Variants in ASCC3 observed in about 807,000 individuals in gnomAD.
ASCC3 encodes the protein ASC-1 complex subunit P200.
ASCC3 carries 158 observed loss-of-function variants against 256.3 expected under a neutral mutation model. That is an observed-to-expected ratio of 0.62 (90% CI 0.54 to 0.70). ASCC3 has a LOEUF of 0.70. ASCC3 is among the 30% of genes least tolerant of loss of function. The pLI, the probability that ASCC3 is intolerant of heterozygous loss-of-function variation, is 0.00. For missense variants in ASCC3, 2,259 were observed against 2,626.0 expected (o/e 0.86, Z 3.05); for synonymous variants, 948 against 883.4 (o/e 1.07, Z -1.30).
intron 8 of ASCC3, among the ~76,000 whole-genome samples, chr6:100,786,861 T>C (rs1264364273): frequency 6.6e-6 from 1 of 152,182 alleles, no homozygotes. Flanking sequence ...CTAACAGGGA[T>C]GAAATTGAGT....
intron 10 of ASCC3, among the ~76,000 whole-genome samples, chr6:100,753,310 C>A (rs3860238): frequency 0.96 from 143,631 of 149,358 alleles, 69,138 homozygotes; most frequent in East Asian, 1. Flanking sequence ...AATAGCAAAA[C>A]AAAACAAAAC....
At chr6:100,873,037 G>A (rs1163849711) in intron 1 of ASCC3, among the ~76,000 whole-genome samples, 1 of 151,484 alleles carries the variant, frequency 6.6e-6, no homozygotes, top group Non-Finnish European at 1.5e-5. Flanking sequence ...AAACCAAGAA[G>A]AAATCCCTGA....
intron 4 of ASCC3, among the ~76,000 whole-genome samples, chr6:100,837,385 G>A (rs9498405): frequency 0.037 from 5,571 of 152,028 alleles, 191 homozygotes; most frequent in African/African-American, 0.086. Flanking sequence ...CCACTACTGG[G>A]TATATATCCA....
intron 10 of ASCC3, among the ~76,000 whole-genome samples, chr6:100,740,035 C>A (rs563444201): frequency 6.6e-6 from 1 of 151,900 alleles, no homozygotes; most frequent in African/African-American, 2.4e-5. Flanking sequence ...GGCTGTTAAT[C>A]GGAGGTATTT....
chr6:100,643,507 C>T (rs1158176371), intron 23 of ASCC3, among the ~76,000 whole-genome samples: 2 of 152,078 alleles, frequency 1.3e-5, no homozygotes, highest in Non-Finnish European at 2.9e-5. Context: ...AGGAATGGTT[C>T]TGAAAAATGT....
At position 100,509,107 on chromosome 6, in the gene ASCC3, C is replaced by T. The variant is rs1773631839; in HGVS notation, c.*279G>A. On this transcript the variant is annotated 3_prime_UTR_variant, in exon 42 of 42. Coordinates refer to ENST00000369162, the MANE Select transcript of ASCC3 (RefSeq NM_006828.4). Reference sequence around the variant, plus strand: ...TTGATTGATAGCTCCTAAATATCATCCCAAATATACACAAATTAAAAGATT... The same window carrying T: ...TTGATTGATAGCTCCTAAATATCATTCCAAATATACACAAATTAAAAGATT... 1 of 412,030 alleles carries T rather than the reference C, an allele frequency of 2.4e-6. No individual in the cohort carries two copies. The highest frequency in any genetic ancestry group is 5.4e-5 in the East Asian group (1 of 18,520). 25.5% of individuals were successfully genotyped at this position (412,030 alleles called of 1,614,324 possible). A position where few individuals can be genotyped will look rare whatever the true frequency, so the allele number is the denominator to read the frequency against.
At chr6:100,756,876 A>G (rs1226558306) in intron 10 of ASCC3, among the ~76,000 whole-genome samples, 1 of 152,138 alleles carries the variant, frequency 6.6e-6, no homozygotes, top group Non-Finnish European at 1.5e-5. Flanking sequence ...ATAGTGACAA[A>G]TAATACAAGA....
intron 10 of ASCC3, among the ~76,000 whole-genome samples, chr6:100,762,424 T>A (rs1446379542): frequency 6.6e-6 from 1 of 152,188 alleles, no homozygotes; most frequent in African/African-American, 2.4e-5. Context: ...TGTAAAATAG[T>A]AACTCTTCAT....
intron 4 of ASCC3, among the ~76,000 whole-genome samples, chr6:100,809,991 A>G (rs1447476549): frequency 6.6e-6 from 1 of 152,098 alleles, no homozygotes. Flanking sequence ...TAACACGCAA[A>G]TCTGTTCACA....
intron 10 of ASCC3, among the ~76,000 whole-genome samples, chr6:100,750,382 C>A (rs1007130101): frequency 3.3e-5 from 5 of 151,918 alleles, no homozygotes; most frequent in African/African-American, 1.2e-4. Context: ...GAGAAGAAAT[C>A]TGATGTGTCT....
At chr6:100,640,457 T>A (rs1775068418) in intron 24 of ASCC3, among the ~76,000 whole-genome samples, 1 of 152,132 alleles carries the variant, frequency 6.6e-6, no homozygotes, top group South Asian at 2.1e-4. Flanking sequence ...AGAACTCAGC[T>A]AATTATATAA....
At chr6:100,585,742 G>A (rs1244487690) in intron 36 of ASCC3, among the ~76,000 whole-genome samples, 5 of 152,142 alleles carry the variant, frequency 3.3e-5, no homozygotes, top group African/African-American at 9.7e-5. Context: ...TGATGGTGAT[G>A]TACAGATAGG....
chr6:100,742,319 T>A (rs988281795), intron 10 of ASCC3, among the ~76,000 whole-genome samples: 2 of 152,008 alleles, frequency 1.3e-5, no homozygotes, highest in African/African-American at 4.8e-5. Flanking sequence ...AAGACCTCTG[T>A]TGGGAGGTCT....
chr6:100,600,205 G>GCGCA (rs58167440), intron 34 of ASCC3, among the ~76,000 whole-genome samples: 8 of 145,770 alleles, frequency 5.5e-5, no homozygotes, highest in African/African-American at 2.0e-4. Flanking sequence ...ACATGCACAT[G>GCGCA]CACACACACA....
chr6:100,754,684 T>A (rs1285801747), intron 10 of ASCC3, among the ~76,000 whole-genome samples: 2 of 152,128 alleles, frequency 1.3e-5, no homozygotes. Context: ...GAGTTTTAGA[T>A]CAGTTGTTTT....
chr6:100,852,108 G>A (rs750202206), intron 3 of ASCC3, among the ~76,000 whole-genome samples: 2 of 152,216 alleles, frequency 1.3e-5, no homozygotes, highest in Non-Finnish European at 2.9e-5. Flanking sequence ...GGCCGCAAAG[G>A]ATGCACCACA....
At chr6:100,657,043 T>C (rs462441) in intron 16 of ASCC3, among the ~76,000 whole-genome samples, 2,928 of 151,414 alleles carry the variant, frequency 0.019, 93 homozygotes, top group African/African-American at 0.067. Flanking sequence ...TCTGTATAAC[T>C]AATTTCATGA....
chr6:100,880,122 T>C (rs1440257882), intron 1 of ASCC3, among the ~76,000 whole-genome samples: 3 of 152,170 alleles, frequency 2.0e-5, no homozygotes. Flanking sequence ...TAATTTCTCA[T>C]ATAAATAGGA....
intron 36 of ASCC3, among the ~76,000 whole-genome samples, chr6:100,551,344 C>T (rs1339708718): frequency 6.6e-6 from 1 of 151,470 alleles, no homozygotes; most frequent in Non-Finnish European, 1.5e-5. Context: ...GGCAACTGGA[C>T]AAATATAATG....
Sources: gnomAD v4.1 joint callset for allele counts (sites outside exome capture counted in the v4.1 genomes callset) on GRCh38, gnomAD v4.1.1 for gene constraint, MANE v1.5 for transcripts, NCBI Gene and HGNC (gene_info 2026-07-23, HGNC 2026-07-21) for gene names.